MLLT3: variants seen among roughly 807,000 people sequenced by gnomAD.
MLLT3 encodes the protein MLLT3 super elongation complex subunit.
Under a neutral mutation model 53.2 loss-of-function variants are expected in MLLT3, and 4 were observed. That is an observed-to-expected ratio of 0.08 (90% confidence interval 0.04 to 0.17). The LOEUF (loss-of-function observed/expected upper bound fraction) is 0.17. Among genes scored for constraint, MLLT3 ranks in the 10% least tolerant of loss-of-function variants. The probability of loss-of-function intolerance (pLI) is 1.00; values close to 1 mark genes in which losing one functional copy is unlikely to be tolerated. For synonymous variants in MLLT3, 283 were observed against 230.6 expected (o/e 1.23, Z -2.06); for missense variants, 569 against 684.0 (o/e 0.83, Z 1.87).
chr9:20,569,666 T>C (rs1282925765), intron 2 of MLLT3, among the ~76,000 whole-genome samples: 1 of 152,152 alleles, frequency 6.6e-6, no homozygotes, highest in African/African-American at 2.4e-5. Context: ...GCGGTGTCCT[T>C]GGTATTTAGA....
chr9:20,541,382 G>A (rs1328071288), intron 2 of MLLT3, among the ~76,000 whole-genome samples: 1 of 152,152 alleles, frequency 6.6e-6, no homozygotes, highest in Non-Finnish European at 1.5e-5. Flanking sequence ...TTTTTGCACT[G>A]CAATGAAGAA....
intron 2 of MLLT3, among the ~76,000 whole-genome samples, chr9:20,534,629 C>T (rs949599063): frequency 6.6e-6 from 1 of 152,180 alleles, no homozygotes; most frequent in Admixed American, 6.5e-5. Context: ...TGGCTCACAC[C>T]TGTAATCCCA....
At chr9:20,515,064 A>G (rs1350390557) in intron 2 of MLLT3, among the ~76,000 whole-genome samples, 1 of 148,048 alleles carries the variant, frequency 6.8e-6, no homozygotes, top group Non-Finnish European at 1.5e-5. Flanking sequence ...CTCCTGCCTC[A>G]GCCTCCCTAG....
In MLLT3 at chr9:20,621,447, G is replaced by A. The variant is rs375389982; in HGVS notation, c.13-613C>T. Among the ~76,000 whole-genome samples the A allele has an allele frequency of 6.6e-6, 1 of 152,110 alleles. No individual in the cohort carries two copies. Among genetic ancestry groups the A allele is most frequent in the South Asian group, 2.1e-4 (1 of 4,826 alleles). ...AAAATGAGACGTCGTCATACACACT[G>A]AAACACACACACACGCCCGCAGGAA... is the stretch of plus-strand genomic sequence containing the variant. On this transcript the variant is annotated intron_variant, in intron 1 of 10. Coordinates refer to ENST00000380338, the MANE Select transcript of MLLT3 (RefSeq NM_004529.4). This position sits in a 1 kb window ranked among gnomAD's most constrained non-coding sequence, Gnocchi z 7.0.
In MLLT3 at chr9:20,448,738, C is replaced by T. The variant is rs1281653881; in HGVS notation, c.277-472G>A. ...CTCTTCAATTCCTCCTCCATTCAGG[C>T]CTTAAGATTATCTATATGAAATAAA... On this transcript the variant is annotated intron_variant, in intron 3 of 10. Transcript: ENST00000380338. This position sits in a 1 kb window ranked among gnomAD's most constrained non-coding sequence, Gnocchi z 4.0. 6.6e-6 allele frequency among the ~76,000 whole-genome samples: 1 copy of T among 152,166 alleles called. No homozygotes were observed. The highest frequency in any genetic ancestry group is 2.4e-5 in the African/African-American group (1 of 41,446).
intron 4 of MLLT3, among the ~76,000 whole-genome samples, chr9:20,426,699 T>C (rs1225465050): frequency 2.0e-5 from 3 of 152,098 alleles, no homozygotes; most frequent in Admixed American, 6.6e-5. Flanking sequence ...ATTTGGGCAA[T>C]ATGGTGGACT....
chr9:20,496,867 G>C (rs1315544468), intron 2 of MLLT3, among the ~76,000 whole-genome samples: 1 of 152,112 alleles, frequency 6.6e-6, no homozygotes, highest in Non-Finnish European at 1.5e-5. Flanking sequence ...ACAGATGATA[G>C]GTACACTGAG....
At chr9:20,547,081 G>C (rs1469039688) in intron 2 of MLLT3, among the ~76,000 whole-genome samples, 4 of 152,094 alleles carry the variant, frequency 2.6e-5, no homozygotes, top group Non-Finnish European at 5.9e-5. Context: ...GAGTCAATAG[G>C]AGTTTGGCAC....
At chr9:20,533,295 C>T (rs1041829296) in intron 2 of MLLT3, 14 of 325,932 alleles carry the variant, frequency 4.3e-5, no homozygotes, top group African/African-American at 2.1e-4. Flanking sequence ...CATTGCCAAG[C>T]TCAAAAAGGC....
chr9:20,360,729 C>T lies in MLLT3; in HGVS notation c.1431+13G>A, dbSNP rs747916270. On this transcript the variant is annotated intron_variant, in intron 8 of 10. Coordinates refer to ENST00000380338, the MANE Select transcript of MLLT3 (RefSeq NM_004529.4). ...TCTGCAGAGTCTTGCAAAGTGCAAACCCCACAATTTACCTGGTTGTTGTTG... is the reference window on the plus strand; with the variant it reads ...TCTGCAGAGTCTTGCAAAGTGCAAATCCCACAATTTACCTGGTTGTTGTTG... 2.5e-6 allele frequency: 4 copies of T among 1,607,342 alleles called. No homozygotes were observed. Among genetic ancestry groups the T allele is most frequent in the Non-Finnish European group, 3.4e-6 (4 of 1,173,808 alleles).
intron 5 of MLLT3, among the ~76,000 whole-genome samples, chr9:20,394,235 T>C (rs971343331): frequency 6.6e-6 from 1 of 152,082 alleles, no homozygotes; most frequent in African/African-American, 2.4e-5. Flanking sequence ...GAGGGACAGG[T>C]ACCTCCTCCA....
At chr9:20,513,917 G>GT (rs1275234695) in intron 2 of MLLT3, among the ~76,000 whole-genome samples, 7 of 152,236 alleles carry the variant, frequency 4.6e-5, no homozygotes, top group Non-Finnish European at 1.0e-4. Flanking sequence ...TCAGATAAGT[G>GT]TAAGTCTGAG....
intron 2 of MLLT3, among the ~76,000 whole-genome samples, chr9:20,457,437 T>TG (rs775177985): frequency 9.1e-4 from 138 of 151,714 alleles, no homozygotes; most frequent in Non-Finnish European, 1.5e-3. Flanking sequence ...TTAGTAGAGA[T>TG]GGGGTTTCTC....
In MLLT3 at chr9:20,499,836, G is replaced by A. The variant is rs780028728; in HGVS notation, c.194-43050C>T. ...TCCCAGCTACTCAGAAGGCTGAGGCGAGAGGATTATTTGAGCCTAGGGCTT... is the reference window on the plus strand; with the variant it reads ...TCCCAGCTACTCAGAAGGCTGAGGCAAGAGGATTATTTGAGCCTAGGGCTT... On this transcript the variant is annotated intron_variant, in intron 2 of 10. Transcript: ENST00000380338. Among the ~76,000 whole-genome samples the A allele has an allele frequency of 5.3e-5, 8 of 152,266 alleles. No individual in the cohort carries two copies. In the South Asian group the frequency reaches 1.0e-3, roughly 20 times the overall value.
intron 2 of MLLT3, among the ~76,000 whole-genome samples, chr9:20,518,004 C>T: frequency 6.6e-6 from 1 of 151,992 alleles, no homozygotes; most frequent in East Asian, 1.9e-4. Flanking sequence ...ATAGTATAAC[C>T]AAAAGAATAA....
chr9:20,450,152 C>A (rs765365691), intron 3 of MLLT3, among the ~76,000 whole-genome samples: 3 of 152,204 alleles, frequency 2.0e-5, no homozygotes, highest in Non-Finnish European at 4.4e-5. Flanking sequence ...ACACAAAAAT[C>A]ATTCCCAACT....
At chr9:20,563,223 A>C (rs1819261252) in intron 2 of MLLT3, among the ~76,000 whole-genome samples, 1 of 152,164 alleles carries the variant, frequency 6.6e-6, no homozygotes, top group South Asian at 2.1e-4. Context: ...GTCCTGGGAA[A>C]ATCAGTAACA....
intron 4 of MLLT3, among the ~76,000 whole-genome samples, chr9:20,432,598 A>G (rs761496512): frequency 6.6e-6 from 1 of 152,130 alleles, no homozygotes; most frequent in Non-Finnish European, 1.5e-5. Context: ...GGTGGGGGGA[A>G]AAAGCAGAGC....
rs536207813 is a variant in MLLT3, at chr9:20,361,744, G to A, written c.1332-903C>T. 2.0e-5 allele frequency among the ~76,000 whole-genome samples: 3 copies of A among 152,238 alleles called. No homozygotes were observed. In the South Asian group the frequency reaches 6.2e-4, roughly 32 times the overall value. ...AGGAGAGATTTATTTATTCTACTGT[G>A]CTGAATGTAGTCCTCCCTCAGAGAT... On this transcript the variant is annotated intron_variant, in intron 7 of 10. Coordinates refer to ENST00000380338, the MANE Select transcript of MLLT3 (RefSeq NM_004529.4).
Sources: allele counts gnomAD v4.1 joint callset (sites outside exome capture counted in the v4.1 genomes callset), GRCh38; gene constraint gnomAD v4.1.1; non-coding constraint Gnocchi (gnomAD v3.1); transcripts MANE v1.5; gene names NCBI Gene and HGNC (gene_info 2026-07-23, HGNC 2026-07-21).